The following SPAG16 variants were observed in gnomAD, a reference collection of about 807,000 sequenced individuals.
The protein encoded by SPAG16 is sperm associated antigen 16.
Under a neutral mutation model 80.4 loss-of-function variants are expected in SPAG16, and 86 were observed. That is an observed-to-expected ratio of 1.07 (90% CI 0.90 to 1.28). The LOEUF (loss-of-function observed/expected upper bound fraction) is 1.28. Among genes scored for constraint, SPAG16 ranks in the 50% most tolerant of loss-of-function variants. The pLI is 0.00. For missense variants in SPAG16, 870 were observed against 765.3 expected, an observed-to-expected ratio of 1.14 and a Z score of -1.61; for synonymous variants, 294 against 265.9, an observed-to-expected ratio of 1.11 and a Z score of -1.03.
chr2:213,668,381 T>TA (rs1305721314), intron 10 of SPAG16, among the ~76,000 whole-genome samples: 6 of 152,088 alleles, frequency 3.9e-5, no homozygotes, highest in Admixed American at 2.0e-4. Flanking sequence ...TAAATTCTAT[T>TA]AAAACAATTC....
intron 14 of SPAG16, among the ~76,000 whole-genome samples, chr2:214,147,852 A>G (rs767801271): frequency 5.3e-5 from 8 of 152,202 alleles, no homozygotes; most frequent in Non-Finnish European, 1.2e-4. Context: ...AGAGAAAAAC[A>G]ATGAGTCCAC....
chr2:213,749,329 G>C lies in SPAG16; in HGVS notation c.1071-113156G>C, dbSNP rs193015992. ...TTTAATGGCCATTTTATATTTTTCT[G>C]TATTCTCCCAGTTAACATATCCTGG... On this transcript the variant is annotated intron_variant, in intron 10 of 15. Coordinates refer to ENST00000331683, the MANE Select transcript of SPAG16 (RefSeq NM_024532.5). Among the ~76,000 whole-genome samples, 286 of 151,522 alleles carry C rather than the reference G, an allele frequency of 1.9e-3. 4 individuals carry two copies. Among genetic ancestry groups the C allele is most frequent in the Admixed American group, 0.015 (228 of 15,224 alleles).
chr2:214,198,224 G>T (rs1045925567), intron 15 of SPAG16, among the ~76,000 whole-genome samples: 1 of 151,826 alleles, frequency 6.6e-6, no homozygotes, highest in African/African-American at 2.4e-5. Flanking sequence ...CCTATATGTA[G>T]TCTTTTATCC....
At chr2:213,832,377 A>C (rs370699197) in intron 10 of SPAG16, among the ~76,000 whole-genome samples, 1 of 152,134 alleles carries the variant, frequency 6.6e-6, no homozygotes, top group Non-Finnish European at 1.5e-5. Context: ...ACTGAAGGAC[A>C]TCAGAAGGCT....
At chr2:213,759,744 A>T (rs531818473) in intron 10 of SPAG16, among the ~76,000 whole-genome samples, 1 of 152,144 alleles carries the variant, frequency 6.6e-6, no homozygotes, top group Non-Finnish European at 1.5e-5. Flanking sequence ...GCTATAACGA[A>T]TTCAAATAGT....
chr2:214,131,174 C>T (rs950992398), intron 14 of SPAG16, among the ~76,000 whole-genome samples: 1 of 151,824 alleles, frequency 6.6e-6, no homozygotes, highest in East Asian at 1.9e-4. Context: ...GAGAGTTTGA[C>T]AACAGTCTGA....
At chr2:213,702,831 A>G (rs1369419200) in intron 10 of SPAG16, among the ~76,000 whole-genome samples, 3 of 152,232 alleles carry the variant, frequency 2.0e-5, no homozygotes, top group Non-Finnish European at 2.9e-5. Flanking sequence ...TAAGATTGGC[A>G]TGGAAAACAA....
chr2:213,421,429 G>A (rs112548501), intron 9 of SPAG16, among the ~76,000 whole-genome samples: 3,069 of 152,342 alleles, frequency 0.02, 43 homozygotes, highest in Middle Eastern at 0.051. Flanking sequence ...GGTGCCCCTT[G>A]GCATGAACAG....
chr2:214,006,123 T>G (rs1257152061), intron 12 of SPAG16, among the ~76,000 whole-genome samples: 2 of 152,306 alleles, frequency 1.3e-5, no homozygotes, highest in East Asian at 3.9e-4. Context: ...TTTTAATCTT[T>G]TTTTCATGTT....
chr2:213,358,560 C>G (rs991248601), intron 7 of SPAG16, among the ~76,000 whole-genome samples: 1 of 152,176 alleles, frequency 6.6e-6, no homozygotes, highest in African/African-American at 2.4e-5. Context: ...GTTACTGAAG[C>G]TTGTGCATGC....
At chr2:214,017,769 A>C (rs1244383983) in intron 13 of SPAG16, among the ~76,000 whole-genome samples, 1 of 152,220 alleles carries the variant, frequency 6.6e-6, no homozygotes. Flanking sequence ...AGGGTTTGCA[A>C]GTCCCATTTG....
At chr2:213,350,724 T>C in intron 7 of SPAG16, 79 bp downstream of exon 7, 3 of 781,532 alleles carry the variant, frequency 3.8e-6, no homozygotes. Flanking sequence ...ACTGATTTTG[T>C]TTCTGAGATT....
Position 213,312,490 on chromosome 2 carries a change from C to G in SPAG16, c.398+2313C>G, listed in dbSNP as rs898264858. Among the ~76,000 whole-genome samples the G allele has an allele frequency of 4.6e-5, 7 of 151,738 alleles. No homozygotes were observed. In the East Asian group the frequency reaches 1.2e-3, roughly 25 times the overall value. On this transcript the variant is annotated intron_variant, in intron 4 of 15. Coordinates refer to ENST00000331683, the MANE Select transcript of SPAG16 (RefSeq NM_024532.5). Reference sequence around the variant, plus strand: ...GTCAGAACTACTCACCCTAAAGATACATTCTTACTTTTTTTGCCTCTTACT... The same window carrying G: ...GTCAGAACTACTCACCCTAAAGATAGATTCTTACTTTTTTTGCCTCTTACT...
chr2:214,238,344 C>G (rs372596083), intron 15 of SPAG16: 5 of 180,584 alleles, frequency 2.8e-5, no homozygotes, highest in Admixed American at 6.1e-5. Context: ...TAATTTGTCT[C>G]TCTAATCTTG....
intron 13 of SPAG16, among the ~76,000 whole-genome samples, chr2:214,098,090 T>C (rs183374159): frequency 2.6e-5 from 4 of 152,206 alleles, no homozygotes; most frequent in Admixed American, 2.6e-4. Flanking sequence ...TCTGTTTAGA[T>C]ATGTATTCAA....
At chr2:213,520,734 C>A (rs1418854871) in intron 10 of SPAG16, among the ~76,000 whole-genome samples, 1 of 152,218 alleles carries the variant, frequency 6.6e-6, no homozygotes, top group African/African-American at 2.4e-5. Flanking sequence ...AAATACAAAG[C>A]ATTCCACAAG....
chr2:213,655,655 G>GGT (rs2063194199), intron 10 of SPAG16, among the ~76,000 whole-genome samples: 1 of 152,110 alleles, frequency 6.6e-6, no homozygotes, highest in Non-Finnish European at 1.5e-5. Flanking sequence ...TGGTCACATA[G>GGT]GTGTATTCAG....
chr2:214,185,898 A>G (rs2057453433), intron 15 of SPAG16, among the ~76,000 whole-genome samples: 1 of 152,088 alleles, frequency 6.6e-6, no homozygotes, highest in Non-Finnish European at 1.5e-5. Flanking sequence ...CATGTTTCAC[A>G]ATCCATACTC....
intron 9 of SPAG16, among the ~76,000 whole-genome samples, chr2:213,428,498 A>G (rs1335682729): frequency 2.0e-5 from 3 of 152,188 alleles, no homozygotes; most frequent in African/African-American, 7.2e-5. Context: ...AGACTTGGGC[A>G]TTAAAGGAGC....
Sources: allele counts gnomAD v4.1 joint callset (sites outside exome capture counted in the v4.1 genomes callset), GRCh38; gene constraint gnomAD v4.1.1; transcripts MANE v1.5; gene names NCBI Gene and HGNC (gene_info 2026-07-23, HGNC 2026-07-21).